The following SAMSN1 variants were observed in gnomAD, a reference collection of about 807,000 sequenced individuals.
SAMSN1 encodes the protein SAM domain, SH3 domain and nuclear localization signals 1.
Under a neutral mutation model 42.0 loss-of-function variants are expected in SAMSN1, and 31 were observed. The observed-to-expected ratio is 0.74, with a 90% CI of 0.55 to 1.00. The LOEUF is 1.00. Ranked by LOEUF, SAMSN1 falls within the 50% of genes least tolerant of loss-of-function variation. The pLI is 0.00. For synonymous variants in SAMSN1, 178 were observed against 151.9 expected (o/e 1.17, Z -1.26); for missense variants, 464 against 439.4 (o/e 1.06, Z -0.50).
At chr21:14,622,283 A>G (rs932660799) in intron 2 of SAMSN1, among the ~76,000 whole-genome samples, 2 of 152,258 alleles carry the variant, frequency 1.3e-5, no homozygotes, top group Non-Finnish European at 2.9e-5. Flanking sequence ...AATGACTTTG[A>G]CAAGTTGAGA....
chr21:14,612,505 C>T, intron 4 of SAMSN1: 2 of 375,250 alleles, frequency 5.3e-6, no homozygotes, highest in Non-Finnish European at 1.1e-5. Flanking sequence ...ATAATGAAAC[C>T]ACTTTCTGCT....
At chr21:14,598,791 G>A (rs1395445759) in intron 6 of SAMSN1, among the ~76,000 whole-genome samples, 1 of 152,040 alleles carries the variant, frequency 6.6e-6, no homozygotes, top group Non-Finnish European at 1.5e-5. Flanking sequence ...CGTAAGCATG[G>A]TCATATGATA....
chr21:14,609,549 G>A (rs1325031744), exon 5 of SAMSN1: 2 of 717,830 alleles, frequency 2.8e-6, no homozygotes, highest in African/African-American at 3.5e-5. Context: ...GCCAGATTTT[G>A]TCATTCACAG....
chr21:14,560,964 A>G (rs1263793596), intron 2 of SAMSN1, among the ~76,000 whole-genome samples: 1 of 152,030 alleles, frequency 6.6e-6, no homozygotes, highest in Admixed American at 6.6e-5. Context: ...AAACTAATGA[A>G]AGGCCACATT....
At chr21:14,613,675 G>A (rs1447087435) in intron 3 of SAMSN1, among the ~76,000 whole-genome samples, 1 of 152,002 alleles carries the variant, frequency 6.6e-6, no homozygotes, top group Non-Finnish European at 1.5e-5. Flanking sequence ...CACATAGCAA[G>A]CATTCCAAAC....
chr21:14,522,309 T>C (rs1269735194), intron 1 of SAMSN1, among the ~76,000 whole-genome samples: 1 of 152,250 alleles, frequency 6.6e-6, no homozygotes, highest in African/African-American at 2.4e-5. Context: ...AAAATTGATA[T>C]TTCCTCACTA....
intron 2 of SAMSN1, among the ~76,000 whole-genome samples, chr21:14,518,793 C>A (rs1396261330): frequency 2.6e-5 from 4 of 152,220 alleles, no homozygotes; most frequent in South Asian, 4.1e-4. Context: ...GGCAAAGATT[C>A]TTTGCTTAAT....
chr21:14,600,260 G>A (rs1982394826), intron 6 of SAMSN1, among the ~76,000 whole-genome samples: 1 of 152,212 alleles, frequency 6.6e-6, no homozygotes, highest in Non-Finnish European at 1.5e-5. Context: ...TCAACAGATA[G>A]TTTGCATCTC....
chr21:14,509,164 G>T (rs1416248955), intron 5 of SAMSN1, among the ~76,000 whole-genome samples: 1 of 151,476 alleles, frequency 6.6e-6, no homozygotes, highest in African/African-American at 2.4e-5. Flanking sequence ...GAAAAGAAAG[G>T]AAAGGAAAGG....
At chr21:14,602,097 G>C (rs1600957086) in exon 6 of SAMSN1, 1 of 664,182 alleles carries the variant, frequency 1.5e-6, no homozygotes. Flanking sequence ...TCTTCATTTA[G>C]ATCTAAGAAA....
chr21:14,524,382 AAAG>A (rs1461063546), intron 1 of SAMSN1, among the ~76,000 whole-genome samples: 2 of 152,198 alleles, frequency 1.3e-5, no homozygotes, highest in African/African-American at 2.4e-5. Context: ...GCAGTGTCAA[AAAG>A]AAGATGAGCT....
At chr21:14,505,913 A>G (rs1262713848) in intron 5 of SAMSN1, among the ~76,000 whole-genome samples, 1 of 152,202 alleles carries the variant, frequency 6.6e-6, no homozygotes, top group South Asian at 2.1e-4. Context: ...TCAGACTACA[A>G]TGGAATAAAA....
intron 2 of SAMSN1, among the ~76,000 whole-genome samples, chr21:14,565,343 C>T (rs138514460): frequency 2.0e-5 from 3 of 150,264 alleles, no homozygotes; most frequent in African/African-American, 4.9e-5. Flanking sequence ...GCCTCCAAGA[C>T]GCAGGGAAAA....
chr21:14,555,105 G>A (rs1980720783), intron 2 of SAMSN1, among the ~76,000 whole-genome samples: 1 of 152,134 alleles, frequency 6.6e-6, no homozygotes, highest in African/African-American at 2.4e-5. Flanking sequence ...GCTGGGCTGT[G>A]GAGAAAAGAA....
At chr21:14,603,256 T>C (rs375193853) in intron 5 of SAMSN1, among the ~76,000 whole-genome samples, 216 of 152,310 alleles carry the variant, frequency 1.4e-3, no homozygotes, top group South Asian at 6.8e-3. Context: ...TGACTCCTTC[T>C]ATAAGCATTC....
At position 14,625,171 on chromosome 21, in the gene SAMSN1, A is replaced by T. The variant is rs147933840; in HGVS notation, c.157-9155T>A. Among the ~76,000 whole-genome samples the T allele has an allele frequency of 5.2e-3, 797 of 152,294 alleles. 13 individuals are homozygous for T. Among genetic ancestry groups the T allele is most frequent in the African/African-American group, 0.018 (756 of 41,550 alleles). ...CTATGACAAACCCACAGCCAATATC[A>T]TACTGAATGGGCAAAAACTGGACGC... On this transcript the variant is annotated intron_variant, in intron 2 of 15. Transcript: ENST00000647101.
intron 7 of SAMSN1, among the ~76,000 whole-genome samples, chr21:14,491,747 T>C (rs947322639): frequency 6.6e-6 from 1 of 152,194 alleles, no homozygotes; most frequent in Non-Finnish European, 1.5e-5. Context: ...ATTTGTGTGA[T>C]TTTCTCCTGT....
At chr21:14,551,970 C>A (rs1980611020) in intron 2 of SAMSN1, among the ~76,000 whole-genome samples, 1 of 152,028 alleles carries the variant, frequency 6.6e-6, no homozygotes, top group Admixed American at 6.6e-5. Flanking sequence ...ATTAATTTGA[C>A]TGTTCGGGTC....
intron 2 of SAMSN1, among the ~76,000 whole-genome samples, chr21:14,633,258 A>G (rs1353955616): frequency 1.3e-5 from 2 of 152,132 alleles, no homozygotes; most frequent in Non-Finnish European, 2.9e-5. Context: ...GTTTCTCTAG[A>G]GAACCCTGAT....
Sources: gnomAD v4.1 joint callset for allele counts (sites outside exome capture counted in the v4.1 genomes callset) on GRCh38, gnomAD v4.1.1 for gene constraint, MANE v1.5 for transcripts, NCBI Gene and HGNC (gene_info 2026-07-23, HGNC 2026-07-21) for gene names.